Variants in SH3D21 observed in about 807,000 individuals in gnomAD.
SH3D21 encodes manchette microtubule inner protein 1.
Under a neutral mutation model 82.1 loss-of-function variants are expected in SH3D21, and 83 were observed. That is an observed-to-expected ratio of 1.01 (90% CI 0.85 to 1.21). The LOEUF is 1.21. Ranked by LOEUF, SH3D21 falls within the 50% of genes most tolerant of loss-of-function variation. The probability of loss-of-function intolerance (pLI) is 0.00; values close to 1 mark genes in which losing one functional copy is unlikely to be tolerated. For missense variants in SH3D21, 980 were observed against 962.1 expected (o/e 1.02, Z -0.25); for synonymous variants, 383 against 387.8 (o/e 0.99, Z 0.15).
rs144085863 is a variant in SH3D21, at chr1:36,320,258, C to T, written c.1595C>T (p.Thr532Met). The part of the protein sequence containing the change: ...EDPSSQEEAH[T>M]PEAPPPQPPS... ...CCATCATCCCAGGAGGAGGCCCACA[C>T]GCCAGAGGCACCCCCACCCCAGCCT... The change falls in exon 14 of 16, where the codon ACG (threonine) becomes ATG (methionine). Residue 532 changes from threonine to methionine, a missense_variant. Transcript: ENST00000453908. 144 of 1,612,770 alleles carry T rather than the reference C, an allele frequency of 8.9e-5. No homozygotes were observed. Among genetic ancestry groups the T allele is most frequent in the Middle Eastern group, 3.3e-4 (2 of 6,084 alleles).
At chr1:36,317,060 C>A (rs1286573626) in intron 10 of SH3D21, among the ~76,000 whole-genome samples, 1 of 152,184 alleles carries the variant, frequency 6.6e-6, no homozygotes, top group Non-Finnish European at 1.5e-5. Context: ...ATAATTGCTT[C>A]CTAGTGGGAG....
rs7521070 is a variant in SH3D21 at position 36,321,262 on chromosome 1, C to T, written c.*135C>T. The T allele has an allele frequency of 4.5e-4, 660 of 1,463,992 alleles. 3 individuals are homozygous for T. The African/African-American group carries it at 8.7e-3, about 19-fold the overall frequency. 90.7% of individuals were successfully genotyped at this position (1,463,992 alleles called of 1,614,324 possible). Reference sequence around the variant, plus strand: ...CCGGTCTGGTCGCTGGGGGCGGGGCCTGCGCGGGGGCAGGGCCTGGGCCTC... The same window carrying T: ...CCGGTCTGGTCGCTGGGGGCGGGGCTTGCGCGGGGGCAGGGCCTGGGCCTC... On this transcript the variant is annotated 3_prime_UTR_variant, in exon 16 of 16. Transcript: ENST00000453908. The surrounding 1 kb of genome is among the most constrained non-coding windows in gnomAD (Gnocchi z 6.1).
rs748534487 is a variant in SH3D21 at position 36,321,052 on chromosome 1, C to T, written c.2200-4C>T. The T allele has an allele frequency of 3.3e-5, 53 of 1,610,580 alleles. No homozygotes were observed. The highest frequency in any genetic ancestry group is 4.3e-5 in the Non-Finnish European group (51 of 1,178,766). ...GACAAAGTCTCCACCTCACTCCCGA[C>T]CAGGTCCAGGTGATGCAGGGGACCC... On this transcript the variant is annotated splice_polypyrimidine_tract_variant and splice_region_variant and intron_variant, in intron 15 of 15. Coordinates refer to ENST00000453908, the MANE Select transcript of SH3D21 (RefSeq NM_001162530.2). This position sits in a 1 kb window ranked among gnomAD's most constrained non-coding sequence, Gnocchi z 6.1.
chr1:36,309,478 G>A (rs375580789), intron 9 of SH3D21, 70 bp from the exon 10 acceptor site: 24 of 1,531,228 alleles, frequency 1.6e-5, no homozygotes, highest in African/African-American at 8.2e-5. Flanking sequence ...GAGCCACCAC[G>A]CCTGGCCTGC....
intron 13 of SH3D21, 64 bp from the exon 14 acceptor site, chr1:36,319,609 GAA>G: frequency 4.5e-6 from 7 of 1,550,196 alleles, no homozygotes; most frequent in Non-Finnish European, 6.1e-6. Flanking sequence ...GTGCACGGGT[GAA>G]GTCTCCCAGG....
chr1:36,322,500 G>C, downstream of SH3D21: 2 of 1,602,738 alleles, frequency 1.2e-6, no homozygotes, highest in East Asian at 2.2e-5. Context: ...GGACAGCTCG[G>C]GGCCCGGCAG....
chr1:36,323,015 A>G, downstream of SH3D21: 3 of 1,599,198 alleles, frequency 1.9e-6, no homozygotes, highest in Non-Finnish European at 2.6e-6. Context: ...GAGCAACTCC[A>G]TGTCCCTTCG....
chr1:36,329,328 T>C (rs1159480474), downstream of SH3D21: 1 of 152,374 alleles, frequency 6.6e-6, no homozygotes, highest in Non-Finnish European at 1.5e-5. Context: ...GGTAAAGTTC[T>C]GAACACAATG....
chr1:36,312,270 G>A (rs544340481), intron 10 of SH3D21, among the ~76,000 whole-genome samples: 3 of 152,218 alleles, frequency 2.0e-5, no homozygotes, highest in African/African-American at 7.2e-5. Flanking sequence ...TGATCCGTCC[G>A]CCTTGGCCTC....
intron 9 of SH3D21, 148 bp downstream of exon 9, chr1:36,308,623 G>A (rs969458782): frequency 1.4e-5 from 9 of 638,488 alleles, no homozygotes; most frequent in African/African-American, 5.5e-5. Context: ...TTCTAATACC[G>A]GTTGAGTATC....
downstream of SH3D21, chr1:36,324,066 C>T (rs910021225): frequency 2.0e-5 from 3 of 152,282 alleles, no homozygotes; most frequent in Admixed American, 2.0e-4. Flanking sequence ...GAGGCCCCTT[C>T]CAGGCAAAGC....
chr1:36,314,868 A>G (rs1282604328), intron 10 of SH3D21, among the ~76,000 whole-genome samples: 3 of 152,040 alleles, frequency 2.0e-5, no homozygotes, highest in Admixed American at 6.6e-5. Context: ...TTACACTCCA[A>G]ATTGAGCTGC....
In SH3D21 at chr1:36,306,827, T is replaced by G. The variant is rs754299974; in HGVS notation, c.163-15T>G. On this transcript the variant is annotated splice_polypyrimidine_tract_variant and intron_variant, in intron 2 of 15. Coordinates refer to ENST00000453908, the MANE Select transcript of SH3D21 (RefSeq NM_001162530.2). This position sits in a 1 kb window ranked among gnomAD's most constrained non-coding sequence, Gnocchi z 4.5. ...CCGGGAGCTGAGAGCGCCTTCCCCG[T>G]GCCCTGATTCCCAGGAGATCCCAGA... 8 of 1,295,358 alleles carry G rather than the reference T, an allele frequency of 6.2e-6. No homozygotes were observed. In the East Asian group the frequency reaches 4.0e-4, roughly 65 times the overall value. 80.2% of individuals were successfully genotyped at this position (1,295,358 alleles called of 1,614,324 possible). A position where few individuals can be genotyped will look rare whatever the true frequency, so the allele number is the denominator to read the frequency against.
rs1646448010 is a variant in SH3D21 at position 36,320,937 on chromosome 1, G to A, written c.2158G>A (p.Glu720Lys). The A allele has an allele frequency of 1.9e-6, 3 of 1,567,260 alleles. No individual in the cohort carries two copies. The highest frequency in any genetic ancestry group is 2.3e-5 in the South Asian group (2 of 85,646). ...CAGGAGGAAGCTGACCGACATCTGG[G>A]AGGAGCTGAAGAGCGAGAAGGAGCA... ...QLERKLTDIW[E>K]ELKSEKEQRR... Residue 720 changes from glutamate to lysine, a missense_variant, in exon 15 of 16, where the codon GAG (glutamate) becomes AAG (lysine). Physicochemically the swap from Glu to Lys is moderately conservative, Grantham distance 56 (BLOSUM62 1). Coordinates refer to ENST00000453908, the MANE Select transcript of SH3D21 (RefSeq NM_001162530.2).
At chr1:36,321,766 C>T, downstream of SH3D21, 1 of 1,002,546 alleles carries the variant, frequency 1.0e-6, no homozygotes, top group Non-Finnish European at 1.2e-6. The surrounding 1 kb of genome is among the most constrained non-coding windows in gnomAD (Gnocchi z 6.1). Flanking sequence ...GACGTGTGTC[C>T]AGGCGTTTGC....
At chr1:36,323,194 C>A (rs1646497866), downstream of SH3D21, 4 of 760,578 alleles carry the variant, frequency 5.3e-6, no homozygotes, top group Admixed American at 3.8e-5. Flanking sequence ...TCCCTAACTT[C>A]GTGGCGGCCC....
At chr1:36,309,423 C>G in intron 9 of SH3D21, 125 bp from the exon 10 acceptor site, 1 of 1,080,488 alleles carries the variant, frequency 9.3e-7, no homozygotes, top group African/African-American at 1.6e-5. Flanking sequence ...TCTCGAACTT[C>G]TGTCCTCAAG....
rs900236793 is a variant in SH3D21, at chr1:36,308,468, C to G, written c.719C>G (p.Pro240Arg). The G allele has an allele frequency of 1.2e-4, 185 of 1,551,378 alleles. No homozygotes were observed. Among genetic ancestry groups the G allele is most frequent in the Non-Finnish European group, 1.6e-4 (179 of 1,146,880 alleles). The change falls in exon 9 of 16, where the codon CCA (proline) becomes CGA (arginine). Residue 240 changes from proline (P) to arginine (R), a missense_variant. Physicochemically the swap from Pro to Arg is moderately radical, Grantham distance 103. Transcript: ENST00000453908. ...TTTCCAGACAACTTTGTACTCCCAC[C>G]ACCCCCAGTGAGTACAGAGCCAAGA... is the stretch of plus-strand genomic sequence containing the variant. ...GVFPDNFVLP[P>R]PPIKKLVPRK...
At chr1:36,326,593 A>G (rs1358060652), downstream of SH3D21, among the ~76,000 whole-genome samples, 2 of 152,122 alleles carry the variant, frequency 1.3e-5, no homozygotes, top group East Asian at 1.9e-4. Flanking sequence ...GGGGAGTGTC[A>G]TGGCCCTGTG....
Sources: gnomAD v4.1 joint callset for allele counts (sites outside exome capture counted in the v4.1 genomes callset) on GRCh38, gnomAD v4.1.1 for gene constraint, Gnocchi (gnomAD v3.1) non-coding constraint, MANE v1.5 for transcripts, NCBI Gene and HGNC (gene_info 2026-07-23, HGNC 2026-07-21) for gene names.